CEP83: variants seen among roughly 807,000 people sequenced by gnomAD.
CEP83 encodes the protein centrosomal protein 83, also known as centrosomal protein of 83 kDa.
In CEP83, 70 loss-of-function variants were observed where a neutral mutation model predicts 101.9. That is an observed-to-expected ratio of 0.69 (90% CI 0.57 to 0.84). CEP83 has a LOEUF of 0.84. Among genes scored for constraint, CEP83 ranks in the 40% least tolerant of loss-of-function variants. The pLI, the probability that CEP83 is intolerant of heterozygous loss-of-function variation, is 0.00. For synonymous variants in CEP83, 264 were observed against 267.9 expected, an observed-to-expected ratio of 0.99 and a Z score of 0.14; for missense variants, 715 against 787.2, an observed-to-expected ratio of 0.91 and a Z score of 1.10.
the CEP83 span, among the ~76,000 whole-genome samples, chr12:94,293,922 G>C: frequency 1.3e-5 from 2 of 151,970 alleles, no homozygotes; most frequent in East Asian, 3.9e-4. Flanking sequence ...GCCCAGCCCT[G>C]GTGTCTCTTC....
At chr12:94,436,008 G>A (rs900648207) in intron 1 of CEP83, among the ~76,000 whole-genome samples, 10 of 151,930 alleles carry the variant, frequency 6.6e-5, no homozygotes, top group Non-Finnish European at 1.3e-4. Context: ...TGGCTCCTAG[G>A]AAGCCCCATC....
chr12:94,424,235 C>G (rs2065009630), intron 2 of CEP83: 2 of 1,613,372 alleles, frequency 1.2e-6, no homozygotes, highest in Non-Finnish European at 1.7e-6. Flanking sequence ...GGCCATGATG[C>G]CCATGTCTCC....
At chr12:94,395,093 C>A (rs2062800556) in intron 6 of CEP83, among the ~76,000 whole-genome samples, 2 of 152,066 alleles carry the variant, frequency 1.3e-5, no homozygotes, top group African/African-American at 4.8e-5. Context: ...ACTAGAAATA[C>A]CATTTGATCC....
intron 2 of CEP83, among the ~76,000 whole-genome samples, chr12:94,412,822 G>A (rs1203565226): frequency 6.7e-6 from 1 of 150,326 alleles, no homozygotes; most frequent in Non-Finnish European, 1.5e-5. Flanking sequence ...CTGAATAGCT[G>A]GGATTACAGG....
intron 11 of CEP83, among the ~76,000 whole-genome samples, chr12:94,343,772 C>A (rs866030270): frequency 6.6e-6 from 1 of 151,808 alleles, no homozygotes; most frequent in African/African-American, 2.4e-5. Flanking sequence ...GGATTACAGG[C>A]GTGAGCCACC....
At chr12:94,289,330 A>G in the CEP83 span, among the ~76,000 whole-genome samples, 1 of 152,158 alleles carries the variant, frequency 6.6e-6, no homozygotes, top group Non-Finnish European at 1.5e-5. Context: ...GGTGGCCCCA[A>G]TTCCCCTCCA....
At chr12:94,450,270 T>TA (rs2067152730) in intron 1 of CEP83, among the ~76,000 whole-genome samples, 1 of 152,204 alleles carries the variant, frequency 6.6e-6, no homozygotes, top group Admixed American at 6.5e-5. Context: ...CATTTTTTTT[T>TA]AGACAGATTC....
chr12:94,376,701 AC>A (rs1230776258), intron 7 of CEP83, among the ~76,000 whole-genome samples: 41 of 119,150 alleles, frequency 3.4e-4, no homozygotes, highest in Non-Finnish European at 6.1e-4. Context: ...ACACACACAC[AC>A]ACACACACAC....
At chr12:94,359,075 C>T (rs1215691136) in intron 11 of CEP83, among the ~76,000 whole-genome samples, 1 of 152,216 alleles carries the variant, frequency 6.6e-6, no homozygotes, top group Non-Finnish European at 1.5e-5. Context: ...TTGGCCCATC[C>T]CTTCATTTCC....
intron 6 of CEP83, among the ~76,000 whole-genome samples, chr12:94,381,509 C>T (rs1299474305): frequency 6.6e-6 from 1 of 152,030 alleles, no homozygotes; most frequent in East Asian, 1.9e-4. Flanking sequence ...GGAATAGTGA[C>T]TGATTTCCTT....
At chr12:94,403,093 G>C (rs1304648990) in intron 5 of CEP83, 77 bp downstream of exon 5, 1 of 763,976 alleles carries the variant, frequency 1.3e-6, no homozygotes, top group African/African-American at 1.7e-5. Context: ...AGGGTTTTGG[G>C]GTAGGGGAAT....
intron 14 of CEP83, chr12:94,328,401 G>A (rs1254101821): frequency 2.3e-5 from 4 of 170,828 alleles, no homozygotes; most frequent in African/African-American, 7.2e-5. Context: ...CAGGAGCTTG[G>A]AGCTCTGAGT....
At chr12:94,289,315 C>T in the CEP83 span, among the ~76,000 whole-genome samples, 2 of 152,174 alleles carry the variant, frequency 1.3e-5, no homozygotes, top group Admixed American at 6.5e-5. Context: ...CCACTTCTAA[C>T]GTGGGGTGGC....
At chr12:94,295,313 G>T in the CEP83 span, among the ~76,000 whole-genome samples, 3 of 152,214 alleles carry the variant, frequency 2.0e-5, no homozygotes, top group African/African-American at 7.2e-5. Context: ...GGATAATTGG[G>T]TAGGACTCCT....
rs1329743724 is a variant in CEP83, at chr12:94,375,896, A to G, written c.923T>C (p.Leu308Ser). 4.1e-6 allele frequency: 6 copies of G among 1,477,908 alleles called. No individual in the cohort carries two copies. In the African/African-American group the frequency reaches 5.6e-5, roughly 14 times the overall value. The allele number at this position is 1,477,908 out of a possible 1,614,324, so 91.5% of individuals were successfully genotyped here. A position where few individuals can be genotyped will look rare whatever the true frequency, so the allele number is the denominator to read the frequency against. The change falls in exon 8 of 17, where the codon TTG becomes TCG. Residue 308 changes from leucine (L) to serine (S), a missense_variant. Coordinates refer to ENST00000397809, the MANE Select transcript of CEP83 (RefSeq NM_016122.3). ...CATAAAACAACTTACTTTACTGGACAATGTATTTATTTCTCGTTCAGCTTT... is the reference window on the plus strand; with the variant it reads ...CATAAAACAACTTACTTTACTGGACGATGTATTTATTTCTCGTTCAGCTTT... ...LHKAEREINT[L>S]SSKVKELKHS...
At chr12:94,369,520 G>C (rs981186519) in intron 9 of CEP83, 1 of 154,642 alleles carries the variant, frequency 6.5e-6, no homozygotes, top group African/African-American at 2.4e-5. Flanking sequence ...CAATGAACTG[G>C]CCTGAGGTCT....
At chr12:94,419,412 A>C (rs1225890651) in intron 2 of CEP83, among the ~76,000 whole-genome samples, 1 of 152,164 alleles carries the variant, frequency 6.6e-6, no homozygotes, top group African/African-American at 2.4e-5. Flanking sequence ...AAACATTCTA[A>C]AGAGACAAAT....
At chr12:94,290,953 A>G in the CEP83 span, among the ~76,000 whole-genome samples, 1 of 152,112 alleles carries the variant, frequency 6.6e-6, no homozygotes, top group Non-Finnish European at 1.5e-5. Flanking sequence ...TTTGTCTTGT[A>G]ATTTTGTGAA....
At chr12:94,355,147 A>G (rs1017960127) in intron 11 of CEP83, among the ~76,000 whole-genome samples, 4 of 152,210 alleles carry the variant, frequency 2.6e-5, no homozygotes, top group African/African-American at 9.6e-5. Context: ...CTACATCAAA[A>G]AAGTACAGAA....
Sources: allele counts gnomAD v4.1 joint callset (sites outside exome capture counted in the v4.1 genomes callset), GRCh38; gene constraint gnomAD v4.1.1; transcripts MANE v1.5; gene names NCBI Gene and HGNC (gene_info 2026-07-23, HGNC 2026-07-21).